GPHN: variants seen among roughly 807,000 people sequenced by gnomAD.
GPHN encodes the protein gephyrin.
Under a neutral mutation model 95.5 loss-of-function variants are expected in GPHN, and 17 were observed. The ratio of observed to expected loss-of-function variants is 0.18; its 90% CI spans 0.12 to 0.27. The LOEUF is 0.27. Ranked by LOEUF, GPHN falls within the 10% of genes least tolerant of loss-of-function variation. GPHN has a pLI of 1.00. For synonymous variants in GPHN, 320 were observed against 322.5 expected, an observed-to-expected ratio of 0.99 and a Z score of 0.08; for missense variants, 660 against 978.1, an observed-to-expected ratio of 0.67 and a Z score of 4.34.
At chr14:67,603,420 T>C in the GPHN span, among the ~76,000 whole-genome samples, 2 of 152,128 alleles carry the variant, frequency 1.3e-5, no homozygotes, top group Non-Finnish European at 2.9e-5. Flanking sequence ...AGGCCAAATG[T>C]ACTTTACTTA....
chr14:67,226,054 G>C, the GPHN span, among the ~76,000 whole-genome samples: 13 of 152,036 alleles, frequency 8.6e-5, no homozygotes, highest in Non-Finnish European at 1.5e-4. Context: ...GGGTGGCCTG[G>C]GCAGTAACCC....
chr14:67,680,907 C>T, the GPHN span, among the ~76,000 whole-genome samples: 1 of 152,180 alleles, frequency 6.6e-6, no homozygotes, highest in Admixed American at 6.5e-5. Context: ...TAGTGTGATA[C>T]TGGCATAAGG....
chr14:67,374,955 CA>C, the GPHN span, among the ~76,000 whole-genome samples: 1 of 152,194 alleles, frequency 6.6e-6, no homozygotes, highest in Non-Finnish European at 1.5e-5. Flanking sequence ...GTAACGGAGA[CA>C]ACCAGCTGTT....
the GPHN span, among the ~76,000 whole-genome samples, chr14:67,632,646 T>C: frequency 6.6e-6 from 1 of 152,080 alleles, no homozygotes; most frequent in Non-Finnish European, 1.5e-5. Flanking sequence ...GATGGCTTCC[T>C]GGGTCCTTGA....
At chr14:66,769,263 GT>G (rs1468509018) in intron 2 of GPHN, among the ~76,000 whole-genome samples, 4 of 151,926 alleles carry the variant, frequency 2.6e-5, no homozygotes, top group Non-Finnish European at 4.4e-5. Context: ...ATCTGATATA[GT>G]TTTAAAAAGT....
rs187923300 is a variant in GPHN, at chr14:66,685,166, T to C, written c.143+3981T>C. Among the ~76,000 whole-genome samples the C allele has an allele frequency of 5.8e-3, 879 of 152,350 alleles. 15 individuals are homozygous for C. The highest frequency in any genetic ancestry group is 0.02 in the African/African-American group (839 of 41,574). On this transcript the variant is annotated intron_variant, in intron 2 of 22. Coordinates refer to ENST00000478722, the MANE Select transcript of GPHN (RefSeq NM_020806.5). ...GTCTATCATTGATGGACATTTGGGT[T>C]GGTTCCAAGTCTTTGCTATTGTGAA... is the stretch of plus-strand genomic sequence containing the variant.
At chr14:67,675,220 G>A in the GPHN span, among the ~76,000 whole-genome samples, 2 of 152,136 alleles carry the variant, frequency 1.3e-5, no homozygotes, top group African/African-American at 4.8e-5. Context: ...TTTCAGAAGT[G>A]GAACCCGGCC....
chr14:67,411,732 C>A, the GPHN span, among the ~76,000 whole-genome samples: 1 of 152,218 alleles, frequency 6.6e-6, no homozygotes, highest in Admixed American at 6.5e-5. Context: ...AATATTTTAA[C>A]AAGTTTTAAT....
intron 3 of GPHN, among the ~76,000 whole-genome samples, chr14:66,782,960 C>G (rs922297057): frequency 2.6e-5 from 4 of 152,198 alleles, no homozygotes; most frequent in African/African-American, 9.6e-5. Context: ...CAGTGAGTTA[C>G]TTGGGTTTCC....
the GPHN span, among the ~76,000 whole-genome samples, chr14:67,618,747 C>G: frequency 6.6e-6 from 1 of 152,268 alleles, no homozygotes; most frequent in South Asian, 2.1e-4. Flanking sequence ...CTTTCAGAAC[C>G]ACTGCCTTAC....
the GPHN span, among the ~76,000 whole-genome samples, chr14:67,604,722 C>A: frequency 7.9e-5 from 9 of 114,520 alleles, no homozygotes; most frequent in South Asian, 5.9e-4. Context: ...ACAACAACAA[C>A]AAAAAAAACT....
In GPHN at chr14:66,765,551, G is replaced by A. The variant is rs1017334909; in HGVS notation, c.144-10913G>A. ...ATGCCGTATGTTCTCACTTATAAGT[G>A]GAAAACATGGAGTACACATGGATTC... On this transcript the variant is annotated intron_variant, in intron 2 of 22. Coordinates refer to ENST00000478722, the MANE Select transcript of GPHN (RefSeq NM_020806.5). Among the ~76,000 whole-genome samples the A allele has an allele frequency of 4.6e-5, 7 of 152,120 alleles. No individual in the cohort carries two copies. In the South Asian group the frequency reaches 1.5e-3, roughly 32 times the overall value.
intron 8 of GPHN, among the ~76,000 whole-genome samples, chr14:66,930,394 CT>C (rs1238725535): frequency 1.3e-5 from 2 of 152,028 alleles, no homozygotes; most frequent in Non-Finnish European, 2.9e-5. Flanking sequence ...GACAACTTAA[CT>C]TTGATTGCTA....
chr14:67,323,495 G>A, the GPHN span, among the ~76,000 whole-genome samples: 1 of 151,574 alleles, frequency 6.6e-6, no homozygotes, highest in Non-Finnish European at 1.5e-5. Context: ...CATGCCTATA[G>A]TCCTAGCTAC....
chr14:66,904,518 A>G (rs1007830741), intron 5 of GPHN, among the ~76,000 whole-genome samples: 1 of 152,158 alleles, frequency 6.6e-6, no homozygotes, highest in Non-Finnish European at 1.5e-5. Flanking sequence ...AATTCTAGCT[A>G]CAGAGTACTG....
intron 11 of GPHN, among the ~76,000 whole-genome samples, chr14:67,066,761 C>T (rs2076074238): frequency 6.6e-6 from 1 of 152,086 alleles, no homozygotes; most frequent in East Asian, 1.9e-4. Context: ...GTTCTCGTGC[C>T]TTGGTTTTCA....
At chr14:67,658,901 G>A in the GPHN span, among the ~76,000 whole-genome samples, 12 of 152,150 alleles carry the variant, frequency 7.9e-5, no homozygotes, top group Non-Finnish European at 1.5e-4. Context: ...AGGATGCATC[G>A]TGAAACAGGA....
At position 66,822,345 on chromosome 14, in the gene GPHN, T is replaced by C. The variant is rs111238953; in HGVS notation, c.202-2129T>C. Among the ~76,000 whole-genome samples, 468 of 152,342 alleles carry C rather than the reference T, an allele frequency of 3.1e-3. 10 individuals carry two copies. Among genetic ancestry groups the C allele is most frequent in the African/African-American group, 0.011 (443 of 41,580 alleles). On this transcript the variant is annotated intron_variant, in intron 3 of 22. Coordinates refer to ENST00000478722, the MANE Select transcript of GPHN (RefSeq NM_020806.5). The stretch of plus-strand genomic sequence containing the variant: ...TGAACAGATCGTCTCCTTAGACTAG[T>C]AGTTTTCAGTTGCTGGCTACATTTT...
the GPHN span, among the ~76,000 whole-genome samples, chr14:67,439,532 A>ACTTT: frequency 3.5e-4 from 44 of 126,942 alleles, no homozygotes; most frequent in African/African-American, 1.3e-3. Flanking sequence ...GAAATTCAAT[A>ACTTT]GTTTCTTTCT....
Sources: gnomAD v4.1 joint callset for allele counts (sites outside exome capture counted in the v4.1 genomes callset) on GRCh38, gnomAD v4.1.1 for gene constraint, MANE v1.5 for transcripts, NCBI Gene and HGNC (gene_info 2026-07-23, HGNC 2026-07-21) for gene names.